The following SPOCK1 variants were observed in gnomAD, a reference collection of about 807,000 sequenced individuals.
SPOCK1 encodes the protein testican-1.
Under a neutral mutation model 55.3 loss-of-function variants are expected in SPOCK1, and 23 were observed. The ratio of observed to expected loss-of-function variants is 0.42; its 90% CI spans 0.30 to 0.59. The LOEUF (loss-of-function observed/expected upper bound fraction) is 0.59. Among genes scored for constraint, SPOCK1 ranks in the 20% least tolerant of loss-of-function variants. The probability of loss-of-function intolerance (pLI) is 0.22; values close to 1 mark genes in which losing one functional copy is unlikely to be tolerated. For synonymous variants in SPOCK1, 226 were observed against 221.0 expected (o/e 1.02, Z -0.20); for missense variants, 499 against 552.5 (o/e 0.90, Z 0.97).
chr5:137,056,217 G>A (rs1266387494), intron 6 of SPOCK1, among the ~76,000 whole-genome samples: 6 of 152,156 alleles, frequency 3.9e-5, no homozygotes, highest in Admixed American at 3.9e-4. Context: ...ATCACAGACA[G>A]AAGTCTGGCA....
At chr5:137,414,044 A>G (rs576579801) in intron 2 of SPOCK1, among the ~76,000 whole-genome samples, 36 of 152,312 alleles carry the variant, frequency 2.4e-4, no homozygotes, top group African/African-American at 7.9e-4. Context: ...CTATAGACAA[A>G]CCGTGATTGG....
At chr5:136,982,280 T>TTAATGTTGTTTA (rs1025987957) in intron 9 of SPOCK1, among the ~76,000 whole-genome samples, 1 of 152,256 alleles carries the variant, frequency 6.6e-6, no homozygotes, top group African/African-American at 2.4e-5. Context: ...TTGTCAGATA[T>TTAATGTTGTTTA]TAATGTTGTT....
chr5:137,493,434 A>G (rs567435571), intron 2 of SPOCK1, among the ~76,000 whole-genome samples: 1 of 152,316 alleles, frequency 6.6e-6, no homozygotes, highest in South Asian at 2.1e-4. Flanking sequence ...CCAGTGATAC[A>G]GTTCTGCTGA....
intron 6 of SPOCK1, among the ~76,000 whole-genome samples, chr5:137,050,529 C>T (rs1163735833): frequency 1.3e-5 from 2 of 151,328 alleles, no homozygotes; most frequent in East Asian, 2.0e-4. Flanking sequence ...CACTGGCCTG[C>T]GCCCACTGTC....
chr5:137,088,864 A>C (rs1753006629), intron 5 of SPOCK1, among the ~76,000 whole-genome samples: 1 of 152,204 alleles, frequency 6.6e-6, no homozygotes, highest in Admixed American at 6.5e-5. Context: ...CAAGATTCTG[A>C]AAAATTTGGA....
chr5:137,249,959 T>C (rs910248255), intron 3 of SPOCK1, among the ~76,000 whole-genome samples: 4 of 152,230 alleles, frequency 2.6e-5, no homozygotes, highest in Non-Finnish European at 5.9e-5. Flanking sequence ...CACACTTGGA[T>C]TGGAAACTTG....
intron 3 of SPOCK1, among the ~76,000 whole-genome samples, chr5:137,220,153 G>A (rs1395273865): frequency 6.6e-6 from 1 of 152,164 alleles, no homozygotes; most frequent in East Asian, 1.9e-4. Context: ...GGAGGAAGAT[G>A]GGGAGCACAG....
chr5:137,015,724 C>A (rs905522246), intron 6 of SPOCK1, among the ~76,000 whole-genome samples: 8 of 152,314 alleles, frequency 5.3e-5, no homozygotes, highest in South Asian at 2.1e-4. Context: ...TCCCATCCTG[C>A]CCTTCTGCAT....
chr5:137,421,757 C>T (rs1349735029), intron 2 of SPOCK1, among the ~76,000 whole-genome samples: 2 of 152,132 alleles, frequency 1.3e-5, no homozygotes, highest in African/African-American at 4.8e-5. Flanking sequence ...ATTCAATTTG[C>T]CAGTCTGTGT....
intron 5 of SPOCK1, among the ~76,000 whole-genome samples, chr5:137,082,273 A>C (rs1752887958): frequency 6.6e-6 from 1 of 152,230 alleles, no homozygotes; most frequent in Non-Finnish European, 1.5e-5. Flanking sequence ...TGGGAAGGCA[A>C]ATATCTGGGT....
chr5:137,234,333 G>A (rs575967308), intron 3 of SPOCK1, among the ~76,000 whole-genome samples: 1 of 152,084 alleles, frequency 6.6e-6, no homozygotes, highest in Non-Finnish European at 1.5e-5. Flanking sequence ...CTGGGTGGTG[G>A]GTCAGGAAAC....
intron 3 of SPOCK1, among the ~76,000 whole-genome samples, chr5:137,164,189 A>G (rs1580785254): frequency 6.6e-6 from 1 of 152,202 alleles, no homozygotes; most frequent in African/African-American, 2.4e-5. Flanking sequence ...TGAATACTTG[A>G]TCTAAGTCAT....
chr5:137,278,451 C>G (rs565043473), intron 2 of SPOCK1, among the ~76,000 whole-genome samples: 1 of 152,208 alleles, frequency 6.6e-6, no homozygotes, highest in Non-Finnish European at 1.5e-5. Flanking sequence ...CACAGTTTTC[C>G]TGTACAATCA....
At chr5:137,421,073 G>T (rs1021200329) in intron 2 of SPOCK1, among the ~76,000 whole-genome samples, 3 of 152,216 alleles carry the variant, frequency 2.0e-5, no homozygotes, top group African/African-American at 7.2e-5. Flanking sequence ...TCATTCAGGA[G>T]CAGGTTGTTC....
chr5:137,138,418 G>A (rs1382599798), intron 4 of SPOCK1, among the ~76,000 whole-genome samples: 2 of 151,832 alleles, frequency 1.3e-5, no homozygotes, highest in Non-Finnish European at 2.9e-5. Flanking sequence ...AACCAAAAAT[G>A]TCTTGTCTAA....
intron 6 of SPOCK1, among the ~76,000 whole-genome samples, chr5:136,999,388 C>T (rs527471176): frequency 2.0e-5 from 3 of 152,230 alleles, no homozygotes; most frequent in African/African-American, 7.2e-5. Flanking sequence ...CCCCATTGTC[C>T]CCTTCTCCCT....
chr5:137,248,568 A>T (rs1476799085), intron 3 of SPOCK1, among the ~76,000 whole-genome samples: 1 of 149,636 alleles, frequency 6.7e-6, no homozygotes, highest in Admixed American at 6.6e-5. Flanking sequence ...ACTGGTGATC[A>T]AAAACAGTTT....
At chr5:137,487,750 A>T (rs1302366184) in intron 2 of SPOCK1, among the ~76,000 whole-genome samples, 2 of 152,154 alleles carry the variant, frequency 1.3e-5, no homozygotes, top group East Asian at 3.9e-4. Context: ...CACTGTGCTC[A>T]TGTGTGCAAG....
At chr5:136,985,054 T>C in intron 9 of SPOCK1, 86 bp downstream of exon 9, 1 of 1,319,894 alleles carries the variant, frequency 7.6e-7, no homozygotes, top group Non-Finnish European at 1.1e-6. Flanking sequence ...TAGCCCTAAT[T>C]GAATAACCAT....
Sources: gnomAD v4.1 joint callset for allele counts (sites outside exome capture counted in the v4.1 genomes callset) on GRCh38, gnomAD v4.1.1 for gene constraint, MANE v1.5 for transcripts, NCBI Gene and HGNC (gene_info 2026-07-23, HGNC 2026-07-21) for gene names.